Variants in MDGA2 observed in about 807,000 individuals in gnomAD.
MDGA2 encodes the protein MAM domain containing glycosylphosphatidylinositol anchor 2, also known as MAM domain-containing glycosylphosphatidylinositol anchor protein 2.
MDGA2 carries 40 observed loss-of-function variants against 117.8 expected under a neutral mutation model. That is an observed-to-expected ratio of 0.34 (90% CI 0.26 to 0.44). MDGA2 has a LOEUF of 0.44. Among genes scored for constraint, MDGA2 ranks in the 20% least tolerant of loss-of-function variants. The probability of loss-of-function intolerance (pLI) is 1.00; values close to 1 mark genes in which losing one functional copy is unlikely to be tolerated. For synonymous variants in MDGA2, 452 were observed against 439.0 expected, an observed-to-expected ratio of 1.03 and a Z score of -0.37; for missense variants, 1,123 against 1,250.6, an observed-to-expected ratio of 0.90 and a Z score of 1.54.
intron 2 of MDGA2, among the ~76,000 whole-genome samples, chr14:47,258,861 T>A (rs1463454216): frequency 6.6e-6 from 1 of 151,954 alleles, no homozygotes; most frequent in Non-Finnish European, 1.5e-5. Flanking sequence ...GCTCACATAA[T>A]AAGAATATGG....
intron 1 of MDGA2, among the ~76,000 whole-genome samples, chr14:47,620,359 T>C (rs1338410103): frequency 1.3e-5 from 2 of 152,242 alleles, no homozygotes; most frequent in Non-Finnish European, 2.9e-5. Context: ...TGTTAACATA[T>C]ATAAAGATAC....
chr14:47,393,018 T>G (rs1273940577), intron 1 of MDGA2, among the ~76,000 whole-genome samples: 3 of 151,760 alleles, frequency 2.0e-5, no homozygotes, highest in Non-Finnish European at 4.4e-5. Context: ...GAAAGTAATC[T>G]TCCAAAGTCT....
intron 8 of MDGA2, among the ~76,000 whole-genome samples, chr14:46,970,871 C>A (rs1366037339): frequency 1.3e-5 from 2 of 151,752 alleles, no homozygotes; most frequent in Non-Finnish European, 2.9e-5. Flanking sequence ...TAAAAGTGGC[C>A]TAAAGACATA....
chr14:47,167,965 A>G (rs1309204972), intron 3 of MDGA2, among the ~76,000 whole-genome samples: 1 of 152,166 alleles, frequency 6.6e-6, no homozygotes, highest in Non-Finnish European at 1.5e-5. Flanking sequence ...GATAAAATGT[A>G]CAACTCCATT....
At chr14:47,049,783 T>C (rs529441782) in intron 7 of MDGA2, among the ~76,000 whole-genome samples, 2 of 152,160 alleles carry the variant, frequency 1.3e-5, no homozygotes, top group African/African-American at 4.8e-5. Context: ...TCACATATTT[T>C]TGGTCTAGTC....
chr14:47,020,699 T>A (rs1318282477), intron 8 of MDGA2, among the ~76,000 whole-genome samples: 2 of 152,196 alleles, frequency 1.3e-5, no homozygotes, highest in Non-Finnish European at 2.9e-5. Context: ...TGTGGCACTG[T>A]CACGTGACTT....
chr14:47,080,500 ATC>A (rs36093850), intron 6 of MDGA2, among the ~76,000 whole-genome samples: 21,345 of 152,070 alleles, frequency 0.14, 1,642 homozygotes, highest in East Asian at 0.31. Context: ...ATATGCAACA[ATC>A]TCTCTGTTGC....
chr14:47,460,454 A>C (rs74045093), intron 1 of MDGA2, among the ~76,000 whole-genome samples: 47,142 of 151,944 alleles, frequency 0.31, 7,637 homozygotes, highest in South Asian at 0.53. Context: ...TTGCCTTTCT[A>C]TTTTTAGAAA....
intron 14 of MDGA2, among the ~76,000 whole-genome samples, chr14:46,868,396 C>T (rs945563351): frequency 6.6e-6 from 1 of 151,848 alleles, no homozygotes; most frequent in African/African-American, 2.4e-5. Context: ...GAAGAGACAT[C>T]ATTTCTACTC....
chr14:47,146,295 T>C (rs1021419156), intron 3 of MDGA2, among the ~76,000 whole-genome samples: 1 of 152,188 alleles, frequency 6.6e-6, no homozygotes, highest in African/African-American at 2.4e-5. Context: ...CTTTTTTTCT[T>C]CCAACATCAG....
At chr14:47,465,482 GA>G (rs1027809994) in intron 1 of MDGA2, among the ~76,000 whole-genome samples, 1 of 150,332 alleles carries the variant, frequency 6.7e-6, no homozygotes, top group African/African-American at 2.4e-5. Context: ...AAATTTACAA[GA>G]AAAAAAACAA....
At chr14:47,410,912 T>C (rs150505092) in intron 1 of MDGA2, among the ~76,000 whole-genome samples, 12 of 152,312 alleles carry the variant, frequency 7.9e-5, no homozygotes, top group Non-Finnish European at 1.3e-4. Flanking sequence ...CTAAGACACA[T>C]ACATTTGAGA....
chr14:47,459,953 T>C (rs1893448099), intron 1 of MDGA2, among the ~76,000 whole-genome samples: 1 of 152,156 alleles, frequency 6.6e-6, no homozygotes, highest in Non-Finnish European at 1.5e-5. Context: ...AGTGGATTTC[T>C]AAAACTTAAA....
rs1894183320 is a variant in MDGA2 at position 47,492,156 on chromosome 14, G to T, written c.280+182361C>A. On this transcript the variant is annotated intron_variant, in intron 1 of 16. Coordinates refer to ENST00000399232, the MANE Select transcript of MDGA2 (RefSeq NM_001113498.3). ...AGAACCCTCAAATGAACCCAATTGT[G>T]CATTTGCTTACAACTTTAATTAATC... 3.9e-5 allele frequency among the ~76,000 whole-genome samples: 6 copies of T among 151,990 alleles called. No individual in the cohort carries two copies. In the South Asian group the frequency reaches 1.2e-3, roughly 32 times the overall value.
Position 47,626,931 on chromosome 14 carries a change from C to T in MDGA2, c.280+47586G>A, listed in dbSNP as rs572185662. Among the ~76,000 whole-genome samples, 10 of 152,362 alleles carry T rather than the reference C, an allele frequency of 6.6e-5. No individual in the cohort carries two copies. The East Asian group carries it at 1.2e-3, about 18-fold the overall frequency. On this transcript the variant is annotated intron_variant, in intron 1 of 16. Coordinates refer to ENST00000399232, the MANE Select transcript of MDGA2 (RefSeq NM_001113498.3). ...CTGGCAGGCAGCTCCACCTGCACCC[C>T]GGTGCGGGATCCACTGGGTGAATTC...
intron 8 of MDGA2, among the ~76,000 whole-genome samples, chr14:47,029,351 T>C (rs1888580679): frequency 6.6e-6 from 1 of 152,166 alleles, no homozygotes; most frequent in African/African-American, 2.4e-5. Flanking sequence ...GCCCTGATTA[T>C]TTTCTTTCAT....
At chr14:47,542,247 T>G (rs1326316954) in intron 1 of MDGA2, among the ~76,000 whole-genome samples, 3 of 152,232 alleles carry the variant, frequency 2.0e-5, no homozygotes, top group Non-Finnish European at 4.4e-5. Context: ...ATTCTGCGAC[T>G]ACATGGTCAT....
rs574375996 is a variant in MDGA2, at chr14:47,365,157, C to G, written c.281-63607G>C. On this transcript the variant is annotated intron_variant, in intron 1 of 16. Transcript: ENST00000399232. Reference sequence around the variant, plus strand: ...TATAAATCAAATAATACTTTCATCTCCATCCGCCTCTCAATAGTATATTAT... The same window carrying G: ...TATAAATCAAATAATACTTTCATCTGCATCCGCCTCTCAATAGTATATTAT... 2.6e-5 allele frequency among the ~76,000 whole-genome samples: 4 copies of G among 152,330 alleles called. No homozygotes were observed. The South Asian group carries it at 8.3e-4, about 32-fold the overall frequency.
At position 47,578,506 on chromosome 14, in the gene MDGA2, C is replaced by G. The variant is rs536308624; in HGVS notation, c.280+96011G>C. 2.6e-5 allele frequency among the ~76,000 whole-genome samples: 4 copies of G among 152,188 alleles called. No individual in the cohort carries two copies. In the East Asian group the frequency reaches 7.7e-4, roughly 29 times the overall value. On this transcript the variant is annotated intron_variant, in intron 1 of 16. Coordinates refer to ENST00000399232, the MANE Select transcript of MDGA2 (RefSeq NM_001113498.3). ...AAGTATGGTGAATTTCCATCTTACT[C>G]TATGGAAATTATCAAAATCTAAATT...
Sources: allele counts gnomAD v4.1 joint callset (sites outside exome capture counted in the v4.1 genomes callset), GRCh38; gene constraint gnomAD v4.1.1; transcripts MANE v1.5; gene names NCBI Gene and HGNC (gene_info 2026-07-23, HGNC 2026-07-21).